The following C16orf74 variants were observed in gnomAD, a reference collection of about 807,000 sequenced individuals.
C16orf74 encodes uncharacterized protein C16orf74.
A neutral mutation model predicts 6.5 loss-of-function variants in C16orf74; 10 were observed. The ratio of observed to expected loss-of-function variants is 1.54; its 90% CI spans 0.95 to 2.61. C16orf74 has a LOEUF of 2.61. Ranked by LOEUF, C16orf74 falls within the 30% of genes most tolerant of loss-of-function variation. The pLI is 0.00. For synonymous variants in C16orf74, 60 were observed against 42.5 expected (o/e 1.41, Z -1.60); for missense variants, 141 against 105.9 (o/e 1.33, Z -1.45).
In C16orf74 at chr16:85,732,571, C is replaced by G. The variant is rs531605718; in HGVS notation, c.28+2619G>C. Among the ~76,000 whole-genome samples the G allele has an allele frequency of 9.2e-4, 129 of 140,464 alleles. 2 individuals are homozygous for G. Among genetic ancestry groups the G allele is most frequent in the African/African-American group, 3.1e-3 (118 of 38,410 alleles). 92.1% of individuals were successfully genotyped at this position (140,464 alleles called of 152,430 possible). On this transcript the variant is annotated intron_variant, in intron 2 of 3. Coordinates refer to ENST00000284245, the MANE Select transcript of C16orf74 (RefSeq NM_206967.3). ...ATCCCAGCTACTCAGGAGGCTGAGG[C>G]AGGAGAATTGCTTGAACCCGGGAGG...
chr16:85,727,797 G>C (rs1424886813), intron 2 of C16orf74, among the ~76,000 whole-genome samples: 1 of 149,426 alleles, frequency 6.7e-6, no homozygotes, highest in African/African-American at 2.5e-5. Flanking sequence ...CTGGGCAACA[G>C]AGCCAGGCCC....
intron 2 of C16orf74, among the ~76,000 whole-genome samples, chr16:85,729,172 T>C (rs899797280): frequency 6.6e-6 from 1 of 152,336 alleles, no homozygotes. Context: ...TAACTGGCCA[T>C]GTGGCCTTGA....
chr16:85,733,838 A>G (rs1598800044), intron 2 of C16orf74, among the ~76,000 whole-genome samples: 1 of 152,038 alleles, frequency 6.6e-6, no homozygotes, highest in East Asian at 1.9e-4. Flanking sequence ...CGCTTAGTAA[A>G]CGACACCCCG....
At chr16:85,708,613 A>C (rs1460513553) in intron 3 of C16orf74, among the ~76,000 whole-genome samples, 3 of 152,230 alleles carry the variant, frequency 2.0e-5, no homozygotes, top group Non-Finnish European at 4.4e-5. Context: ...GGTTGGAATG[A>C]GAATTAAATG....
chr16:85,713,791 A>G (rs1032191278), intron 2 of C16orf74, among the ~76,000 whole-genome samples: 1 of 152,046 alleles, frequency 6.6e-6, no homozygotes, highest in Admixed American at 6.5e-5. Flanking sequence ...TTCCCTCCTG[A>G]TGATGCTCTG....
chr16:85,729,138 TC>T (rs771662846), intron 2 of C16orf74, among the ~76,000 whole-genome samples: 6 of 152,164 alleles, frequency 3.9e-5, no homozygotes, highest in Non-Finnish European at 7.3e-5. Context: ...CCTTTCCCCT[TC>T]CGTCTGTGGA....
intron 2 of C16orf74, among the ~76,000 whole-genome samples, chr16:85,730,440 G>C (rs887888216): frequency 2.0e-5 from 3 of 152,078 alleles, no homozygotes; most frequent in Non-Finnish European, 4.4e-5. Flanking sequence ...TCTAGAGGGA[G>C]AGATTCCCAG....
At chr16:85,747,450 AAAAT>A (rs2054386745) in intron 1 of C16orf74, among the ~76,000 whole-genome samples, 1 of 151,838 alleles carries the variant, frequency 6.6e-6, no homozygotes, top group Non-Finnish European at 1.5e-5. Flanking sequence ...ACCCCATCTC[AAAAT>A]AAATAAAAGG....
Position 85,729,814 on chromosome 16 carries a change from G to A in C16orf74, c.28+5376C>T, listed in dbSNP as rs375241157. On this transcript the variant is annotated intron_variant, in intron 2 of 3. Transcript: ENST00000284245. ...CCCAGGAGGCCTGAAGCTATCAGAA[G>A]CTGGAAGAGGCAGGAAGGTTCCTCC... Among the ~76,000 whole-genome samples, 8 of 152,174 alleles carry A rather than the reference G, an allele frequency of 5.3e-5. 1 individual carries two copies. The highest frequency in any genetic ancestry group is 1.4e-4 in the African/African-American group (6 of 41,450).
At chr16:85,735,468 C>T (rs2054234164) in intron 1 of C16orf74, among the ~76,000 whole-genome samples, 1 of 152,206 alleles carries the variant, frequency 6.6e-6, no homozygotes, top group African/African-American at 2.4e-5. Context: ...GTTAAATATA[C>T]AGGAAGCCAA....
intron 1 of C16orf74, among the ~76,000 whole-genome samples, chr16:85,740,211 C>CTAAAA (rs2054288711): frequency 1.7e-5 from 1 of 60,250 alleles, no homozygotes; most frequent in African/African-American, 6.7e-5. Flanking sequence ...GACTTTGTCT[C>CTAAAA]AAAAAAAAAA....
chr16:85,730,653 A>G (rs960650740), intron 2 of C16orf74, among the ~76,000 whole-genome samples: 1 of 141,398 alleles, frequency 7.1e-6, no homozygotes, highest in Non-Finnish European at 1.5e-5. Context: ...AGCCAACTGA[A>G]CCCCCAGATT....
chr16:85,714,432 ATTTT>A (rs869254297), intron 2 of C16orf74, among the ~76,000 whole-genome samples: 97 of 108,278 alleles, frequency 9.0e-4, no homozygotes, highest in African/African-American at 3.0e-3. Flanking sequence ...TTATTTATTT[ATTTT>A]TGAGACGGAG....
At chr16:85,750,052 C>T (rs184404120) in intron 1 of C16orf74, among the ~76,000 whole-genome samples, 7 of 152,192 alleles carry the variant, frequency 4.6e-5, no homozygotes, top group Non-Finnish European at 7.3e-5. Flanking sequence ...TGGGTGGGGT[C>T]TAGGCAGGAA....
rs1041233385 is a variant in C16orf74 at position 85,718,957 on chromosome 16, A to G, written c.29-8650T>C. Among the ~76,000 whole-genome samples the G allele has an allele frequency of 1.2e-4, 19 of 152,284 alleles. 2 individuals carry two copies. The East Asian group carries it at 3.7e-3, about 29-fold the overall frequency. On this transcript the variant is annotated intron_variant, in intron 2 of 3. Coordinates refer to ENST00000284245, the MANE Select transcript of C16orf74 (RefSeq NM_206967.3). ...CGCAGCTGGAGTGGGTGCTACACAA[A>G]ATATTCCTGGTTCCAGCCTGACTCT...
chr16:85,750,986 G>A lies in C16orf74; in HGVS notation c.-79C>T, dbSNP rs920241176. The A allele has an allele frequency of 6.6e-6, 1 of 150,384 alleles. No individual in the cohort carries two copies. The highest frequency in any genetic ancestry group is 1.5e-5 in the Non-Finnish European group (1 of 67,554). The allele number at this position is 150,384 out of a possible 1,614,324, so 9.3% of individuals were successfully genotyped here. On this transcript the variant is annotated 5_prime_UTR_variant, in exon 1 of 4. Transcript: ENST00000284245. ...CCCGAGGCGCGCGAGGCCCGCCCGGGCGCTGGTGGTGGTGGCGGCGGCGGT... is the reference window on the plus strand; with the variant it reads ...CCCGAGGCGCGCGAGGCCCGCCCGGACGCTGGTGGTGGTGGCGGCGGCGGT...
Position 85,725,066 on chromosome 16 carries a change from G to T in C16orf74, c.28+10124C>A, listed in dbSNP as rs564844930. Among the ~76,000 whole-genome samples, 555 of 63,208 alleles carry T rather than the reference G, an allele frequency of 8.8e-3. 3 individuals are homozygous for T. Among genetic ancestry groups the T allele is most frequent in the African/African-American group, 0.033 (531 of 16,232 alleles). The allele number at this position is 63,208 out of a possible 152,430, so 41.5% of individuals were successfully genotyped here. The stretch of plus-strand genomic sequence containing the variant: ...TTTAGCTTAAGCATGGGTGACTGAT[G>T]GGGGGGGGACCGGCTAAGTCCCTGC... On this transcript the variant is annotated intron_variant, in intron 2 of 3. Coordinates refer to ENST00000284245, the MANE Select transcript of C16orf74 (RefSeq NM_206967.3).
chr16:85,717,945 C>G (rs1010253484), intron 2 of C16orf74, among the ~76,000 whole-genome samples: 1 of 152,206 alleles, frequency 6.6e-6, no homozygotes, highest in African/African-American at 2.4e-5. Flanking sequence ...ATGCCCAGGT[C>G]CCTGGGGTCA....
chr16:85,721,978 CTTTTTTTTTTTTT>C (rs146218477), intron 2 of C16orf74, among the ~76,000 whole-genome samples: 1 of 91,124 alleles, frequency 1.1e-5, no homozygotes. Flanking sequence ...AGATTCTAAC[CTTTTTTTTTTTTT>C]TTTTTTTTTT....
Sources: allele counts gnomAD v4.1 joint callset (sites outside exome capture counted in the v4.1 genomes callset), GRCh38; gene constraint gnomAD v4.1.1; transcripts MANE v1.5; gene names NCBI Gene and HGNC (gene_info 2026-07-23, HGNC 2026-07-21).